The following ABCA10 variants were observed in gnomAD, a reference collection of about 807,000 sequenced individuals.
ABCA10 encodes ATP-binding cassette sub-family A member 10.
In ABCA10, 169 loss-of-function variants were observed where a neutral mutation model predicts 187.5. The observed-to-expected ratio is 0.90, with a 90% CI of 0.80 to 1.02. ABCA10 has a LOEUF of 1.02. Among genes scored for constraint, ABCA10 ranks in the 50% least tolerant of loss-of-function variants. The pLI is 0.00. For missense variants in ABCA10, 1,727 were observed against 1,812.4 expected (o/e 0.95, Z 0.86); for synonymous variants, 574 against 601.8 (o/e 0.95, Z 0.68).
At chr17:69,183,812 C>G (rs1319619398) in intron 20 of ABCA10, among the ~76,000 whole-genome samples, 1 of 152,110 alleles carries the variant, frequency 6.6e-6, no homozygotes, top group African/African-American at 2.4e-5. Context: ...AAACTTCCAG[C>G]TGAACTTTGT....
chr17:69,165,326 C>A (rs2074247500), intron 25 of ABCA10, among the ~76,000 whole-genome samples: 1 of 151,980 alleles, frequency 6.6e-6, no homozygotes, highest in African/African-American at 2.4e-5. Context: ...TAGGGATAAA[C>A]AGCAACAATA....
At chr17:69,188,586 A>G (rs2074438766) in intron 18 of ABCA10, among the ~76,000 whole-genome samples, 1 of 151,538 alleles carries the variant, frequency 6.6e-6, no homozygotes, top group Non-Finnish European at 1.5e-5. Context: ...GGCTTGTTAC[A>G]TGAGTAAATT....
intron 16 of ABCA10, 145 bp from the exon 17 acceptor site, chr17:69,191,460 T>G (rs543411971): frequency 1.2e-6 from 1 of 859,006 alleles, no homozygotes; most frequent in Admixed American, 4.2e-5. Flanking sequence ...AATCAGATAC[T>G]CCACTTCAAA....
chr17:69,158,882 T>A (rs141358635), intron 27 of ABCA10, among the ~76,000 whole-genome samples: 1 of 152,042 alleles, frequency 6.6e-6, no homozygotes, highest in Non-Finnish European at 1.5e-5. Flanking sequence ...TCCATAGATA[T>A]AAGCAAATTT....
At chr17:69,233,487 T>C (rs1040512836), upstream of ABCA10, 19 of 152,358 alleles carry the variant, frequency 1.2e-4, no homozygotes, top group African/African-American at 4.3e-4. Flanking sequence ...TTGAAGTTCA[T>C]TGATCTTCCT....
In ABCA10 at chr17:69,177,449, CA is replaced by C. The variant is rs537832149; in HGVS notation, c.2770-1937del. 3.9e-3 allele frequency among the ~76,000 whole-genome samples: 588 copies of C among 152,150 alleles called. 2 individuals are homozygous for C. The highest frequency in any genetic ancestry group is 0.013 in the African/African-American group (544 of 41,502). ...GAATATTAATATATGGTAGGAGGAT[CA>C]GGGGGTCCAGATACACAGAAGGTCA... On this transcript the variant is annotated intron_variant, in intron 22 of 38. Coordinates refer to ENST00000690296, the MANE Select transcript of ABCA10 (RefSeq NM_001377321.1).
At chr17:69,233,147 C>T (rs917442789), upstream of ABCA10, 1 of 151,972 alleles carries the variant, frequency 6.6e-6, no homozygotes, top group Non-Finnish European at 1.5e-5. Flanking sequence ...TTTGAATAAC[C>T]TTCACACTGC....
chr17:69,174,235 T>C lies in ABCA10; in HGVS notation c.3162+46A>G, dbSNP rs368381656. ...TACTTAAATTTGCATTTAAAAAAAC[T>C]TCAAGGAAATTTAATATAAATGTGC... is the stretch of plus-strand genomic sequence containing the variant. On this transcript the variant is annotated intron_variant, in intron 25 of 38. Transcript: ENST00000690296. The C allele has an allele frequency of 5.2e-5, 72 of 1,388,600 alleles. No individual in the cohort carries two copies. In the African/African-American group the frequency reaches 9.4e-4, roughly 18 times the overall value. 86.0% of individuals were successfully genotyped at this position (1,388,600 alleles called of 1,614,324 possible).
At chr17:69,159,120 T>A (rs926681005) in intron 27 of ABCA10, among the ~76,000 whole-genome samples, 2 of 151,930 alleles carry the variant, frequency 1.3e-5, no homozygotes, top group Non-Finnish European at 2.9e-5. Context: ...AAAAAAAAAT[T>A]AGTTAACAGA....
At chr17:69,229,512 C>A (rs145262947), upstream of ABCA10, among the ~76,000 whole-genome samples, 250 of 151,846 alleles carry the variant, frequency 1.6e-3, no homozygotes, top group African/African-American at 5.6e-3. Context: ...CTTTATCAAC[C>A]CTGAAAATCT....
upstream of ABCA10, chr17:69,233,143 T>C (rs1300509903): frequency 1.3e-5 from 2 of 152,188 alleles, no homozygotes; most frequent in Non-Finnish European, 2.9e-5. Context: ...TTTCTTTGAA[T>C]AACCTTCACA....
upstream of ABCA10, among the ~76,000 whole-genome samples, chr17:69,229,578 T>G (rs2074817408): frequency 6.6e-6 from 1 of 151,944 alleles, no homozygotes; most frequent in East Asian, 1.9e-4. Context: ...CAGAAGCTAA[T>G]GCCCATTCAT....
intron 25 of ABCA10, among the ~76,000 whole-genome samples, chr17:69,165,595 G>A (rs1171072634): frequency 6.6e-6 from 1 of 152,056 alleles, no homozygotes; most frequent in Non-Finnish European, 1.5e-5. Context: ...CACTTTAAAG[G>A]GCAGCCCATA....
intron 29 of ABCA10, 125 bp downstream of exon 29, chr17:69,155,680 A>G (rs1196177859): frequency 1.6e-6 from 2 of 1,237,918 alleles, no homozygotes; most frequent in Admixed American, 5.1e-5. Flanking sequence ...TAATTTGAAT[A>G]TAAGCTATAA....
intron 20 of ABCA10, among the ~76,000 whole-genome samples, chr17:69,184,284 G>C (rs2074403733): frequency 6.6e-6 from 1 of 152,050 alleles, no homozygotes; most frequent in African/African-American, 2.4e-5. Flanking sequence ...TAATCTCTTG[G>C]AAGTTCTATG....
At chr17:69,162,349 A>G (rs2074223788) in intron 27 of ABCA10, among the ~76,000 whole-genome samples, 2 of 152,256 alleles carry the variant, frequency 1.3e-5, no homozygotes, top group African/African-American at 4.8e-5. Context: ...AGTCAACAGC[A>G]AAGGTCATGG....
intron 9 of ABCA10, among the ~76,000 whole-genome samples, chr17:69,202,161 T>C (rs773361778): frequency 1.1e-4 from 17 of 152,108 alleles, no homozygotes; most frequent in East Asian, 1.9e-4. Context: ...TCAGCTATGA[T>C]TGACAAAAAT....
chr17:69,204,693 A>G (rs1568067582), intron 9 of ABCA10, among the ~76,000 whole-genome samples: 1 of 152,250 alleles, frequency 6.6e-6, no homozygotes, highest in Admixed American at 6.5e-5. Context: ...TTTTAAATGG[A>G]TAAGTAGATT....
At position 69,175,626 on chromosome 17, in the gene ABCA10, A is replaced by C; in HGVS notation, c.2770-113T>G. 7.7e-6 allele frequency: 6 copies of C among 776,654 alleles called. No homozygotes were observed. The South Asian group carries it at 1.3e-4, about 17-fold the overall frequency. 48.1% of individuals were successfully genotyped at this position (776,654 alleles called of 1,614,324 possible). A position where few individuals can be genotyped will look rare whatever the true frequency, so the allele number is the denominator to read the frequency against. ...AACTCTAGAAGCATTCACCTGATTT[A>C]AGAAGCAAAGAGACAAGCAAACATG... On this transcript the variant is annotated intron_variant, in intron 22 of 38. Transcript: ENST00000690296.
Sources: gnomAD v4.1 joint callset for allele counts (sites outside exome capture counted in the v4.1 genomes callset) on GRCh38, gnomAD v4.1.1 for gene constraint, MANE v1.5 for transcripts, NCBI Gene and HGNC (gene_info 2026-07-23, HGNC 2026-07-21) for gene names.